Variants in PCP4 observed in about 807,000 individuals in gnomAD.
PCP4 encodes the protein Purkinje cell protein 4.
PCP4 carries 8 observed loss-of-function variants against 10.0 expected under a neutral mutation model. The ratio of observed to expected loss-of-function variants is 0.80; its 90% CI spans 0.47 to 1.45. The LOEUF (loss-of-function observed/expected upper bound fraction) is 1.45, where lower values mean the gene tolerates loss of function less well. PCP4 is among the 40% of genes most tolerant of loss of function. The probability of loss-of-function intolerance (pLI) is 0.00; values close to 1 mark genes in which losing one functional copy is unlikely to be tolerated. For missense variants in PCP4, 54 were observed against 74.4 expected (o/e 0.73, Z 1.01); for synonymous variants, 21 against 23.0 (o/e 0.91, Z 0.24).
intron 1 of PCP4, among the ~76,000 whole-genome samples, chr21:39,893,298 T>G (rs2087441927): frequency 6.6e-6 from 1 of 152,238 alleles, no homozygotes; most frequent in Admixed American, 6.5e-5. Flanking sequence ...CAAAAAATTG[T>G]ACCTTTAAAC....
At chr21:39,922,753 T>A (rs1020116933) in intron 2 of PCP4, among the ~76,000 whole-genome samples, 3 of 152,204 alleles carry the variant, frequency 2.0e-5, no homozygotes. Flanking sequence ...GCACAGGTAA[T>A]GGACAGGTAG....
intron 1 of PCP4, among the ~76,000 whole-genome samples, chr21:39,883,150 A>G (rs923179298): frequency 2.0e-5 from 3 of 152,192 alleles, no homozygotes; most frequent in African/African-American, 4.8e-5. Flanking sequence ...TGTACAGTTC[A>G]GATGCAGAAG....
At chr21:39,887,327 T>G (rs1369786103) in intron 1 of PCP4, among the ~76,000 whole-genome samples, 8 of 134,468 alleles carry the variant, frequency 5.9e-5, no homozygotes, top group Non-Finnish European at 1.3e-4. Context: ...CCATCACTTT[T>G]TTTTAACCAA....
At chr21:39,907,662 T>C (rs1053714751) in intron 2 of PCP4, among the ~76,000 whole-genome samples, 2 of 152,080 alleles carry the variant, frequency 1.3e-5, no homozygotes, top group Non-Finnish European at 2.9e-5. Context: ...CTGGGCGTGG[T>C]GGCGGGCACC....
At chr21:39,899,636 G>A (rs1277437161) in intron 2 of PCP4, among the ~76,000 whole-genome samples, 1 of 152,116 alleles carries the variant, frequency 6.6e-6, no homozygotes, top group Non-Finnish European at 1.5e-5. Context: ...GTAGAGAGGT[G>A]GGGGCTCCAC....
chr21:39,873,093 G>C (rs2087328555), intron 1 of PCP4, among the ~76,000 whole-genome samples: 1 of 152,146 alleles, frequency 6.6e-6, no homozygotes, highest in Non-Finnish European at 1.5e-5. Context: ...ATTGAGACTA[G>C]CTCACTTCAG....
intron 2 of PCP4, among the ~76,000 whole-genome samples, chr21:39,904,311 A>C (rs142672012): frequency 9.9e-5 from 15 of 152,172 alleles, no homozygotes; most frequent in African/African-American, 3.6e-4. Context: ...TCTTGGTGCA[A>C]GATTATCTTT....
intron 1 of PCP4, among the ~76,000 whole-genome samples, chr21:39,883,948 T>C (rs1246550272): frequency 6.6e-6 from 1 of 152,196 alleles, no homozygotes; most frequent in African/African-American, 2.4e-5. Context: ...CACACATTAA[T>C]GAGGTGGGTA....
At chr21:39,920,471 C>T (rs939258101) in intron 2 of PCP4, among the ~76,000 whole-genome samples, 4 of 150,536 alleles carry the variant, frequency 2.7e-5, no homozygotes, top group Non-Finnish European at 4.4e-5. Context: ...GTGTGTGTGG[C>T]GTGTTGTATG....
rs1027317422 is a variant in PCP4 at position 39,911,759 on chromosome 21, G to A, written c.61+13232G>A. On this transcript the variant is annotated intron_variant, in intron 2 of 2. Coordinates refer to ENST00000328619, the MANE Select transcript of PCP4 (RefSeq NM_006198.3). ...AATCCAGCCTATTGTCACCTTAAAT[G>A]ATGGCTGTGTGTGGAAGAGTTGAAC... Among the ~76,000 whole-genome samples, 7 of 152,326 alleles carry A rather than the reference G, an allele frequency of 4.6e-5. No individual in the cohort carries two copies. The East Asian group carries it at 5.8e-4, about 13-fold the overall frequency.
chr21:39,928,948 A>G, intron 2 of PCP4, 36 bp from the exon 3 acceptor site: 1 of 1,599,154 alleles, frequency 6.3e-7, no homozygotes, highest in Non-Finnish European at 8.5e-7. Context: ...TTTTCAGCTC[A>G]GTGATTGCCT....
At chr21:39,876,934 G>C (rs76485074) in intron 1 of PCP4, among the ~76,000 whole-genome samples, 1 of 152,098 alleles carries the variant, frequency 6.6e-6, no homozygotes, top group Non-Finnish European at 1.5e-5. Flanking sequence ...AAAGGCTGTC[G>C]TTTTTATAGT....
At chr21:39,870,323 G>C (rs2087313728) in intron 1 of PCP4, among the ~76,000 whole-genome samples, 1 of 152,202 alleles carries the variant, frequency 6.6e-6, no homozygotes, top group Admixed American at 6.5e-5. Context: ...TGGTTTGTGG[G>C]GGTGTCTGAT....
chr21:39,884,830 T>C (rs1454273806), intron 1 of PCP4, among the ~76,000 whole-genome samples: 1 of 143,722 alleles, frequency 7.0e-6, no homozygotes, highest in Non-Finnish European at 1.5e-5. Flanking sequence ...GAGACAGAGA[T>C]TATTCTATCA....
intron 2 of PCP4, among the ~76,000 whole-genome samples, chr21:39,928,211 G>A (rs763206717): frequency 2.8e-4 from 42 of 152,058 alleles, no homozygotes; most frequent in Non-Finnish European, 5.9e-4. Flanking sequence ...CAGACTAGAG[G>A]CTTTTGAAAG....
At chr21:39,919,700 GGTGTGTGTGGTTTGT>G (rs940867451) in intron 2 of PCP4, among the ~76,000 whole-genome samples, 1 of 151,542 alleles carries the variant, frequency 6.6e-6, no homozygotes, top group Non-Finnish European at 1.5e-5. Context: ...GTATGTCTAT[GGTGTGTGTGGTTTGT>G]GTGTGTGTGG....
chr21:39,912,779 T>C (rs1264143368), intron 2 of PCP4, among the ~76,000 whole-genome samples: 1 of 152,128 alleles, frequency 6.6e-6, no homozygotes, highest in African/African-American at 2.4e-5. Flanking sequence ...AGTGAGATCT[T>C]AGCTCACTCT....
At chr21:39,903,724 C>T (rs954229178) in intron 2 of PCP4, among the ~76,000 whole-genome samples, 6 of 151,616 alleles carry the variant, frequency 4.0e-5, no homozygotes, top group Non-Finnish European at 5.9e-5. Context: ...AAAAATTATC[C>T]GGGCGCGGTG....
chr21:39,880,823 C>G (rs7282768), intron 1 of PCP4, among the ~76,000 whole-genome samples: 5,310 of 152,232 alleles, frequency 0.035, 310 homozygotes, highest in African/African-American at 0.12. Flanking sequence ...GGTGGTGTGA[C>G]CTTTGGCCAT....
Sources: gnomAD v4.1 joint callset for allele counts (sites outside exome capture counted in the v4.1 genomes callset) on GRCh38, gnomAD v4.1.1 for gene constraint, MANE v1.5 for transcripts, NCBI Gene and HGNC (gene_info 2026-07-23, HGNC 2026-07-21) for gene names.